Variants in SPTLC3 observed in about 807,000 individuals in gnomAD.
SPTLC3 encodes serine palmitoyltransferase long chain base subunit 3.
Under a neutral mutation model 59.3 loss-of-function variants are expected in SPTLC3, and 36 were observed. That is an observed-to-expected ratio of 0.61 (90% CI 0.47 to 0.80). The LOEUF (loss-of-function observed/expected upper bound fraction) is 0.80. Ranked by LOEUF, SPTLC3 falls within the 30% of genes least tolerant of loss-of-function variation. The pLI is 0.00. For synonymous variants in SPTLC3, 257 were observed against 240.8 expected, an observed-to-expected ratio of 1.07 and a Z score of -0.62; for missense variants, 625 against 685.1, an observed-to-expected ratio of 0.91 and a Z score of 0.98.
At chr20:13,050,324 A>G (rs552544404) in intron 2 of SPTLC3, 50 of 152,310 alleles carry the variant, frequency 3.3e-4, no homozygotes, top group Middle Eastern at 3.4e-3. Context: ...GAACTAGTAG[A>G]AGAAAAAAAT....
At chr20:13,099,207 A>G (rs1204736066) in intron 6 of SPTLC3, among the ~76,000 whole-genome samples, 1 of 152,188 alleles carries the variant, frequency 6.6e-6, no homozygotes, top group Non-Finnish European at 1.5e-5. Flanking sequence ...AGGGCAATGC[A>G]ATGTGAGAAA....
At chr20:13,040,590 C>A (rs1600224186) in intron 1 of SPTLC3, among the ~76,000 whole-genome samples, 1 of 152,118 alleles carries the variant, frequency 6.6e-6, no homozygotes, top group Non-Finnish European at 1.5e-5. Context: ...GATCTCCTAA[C>A]CTCGTGATCC....
chr20:13,079,782 G>C (rs937037531), intron 4 of SPTLC3: 5 of 469,750 alleles, frequency 1.1e-5, no homozygotes, highest in African/African-American at 1.0e-4. Context: ...AATGCCCTCT[G>C]TGTGGGAGGG....
chr20:13,111,690 A>T (rs138087808), intron 7 of SPTLC3, among the ~76,000 whole-genome samples: 178 of 152,286 alleles, frequency 1.2e-3, no homozygotes, highest in African/African-American at 4.0e-3. Flanking sequence ...CCTTATCTAA[A>T]CACCTGTCAT....
chr20:13,083,589 A>G (rs183810490), intron 4 of SPTLC3, among the ~76,000 whole-genome samples: 2 of 152,324 alleles, frequency 1.3e-5, no homozygotes, highest in Admixed American at 6.5e-5. Flanking sequence ...GCCAAAGTCC[A>G]GAAAGTCTCA....
At chr20:13,149,292 G>A (rs1445899225) in intron 9 of SPTLC3, among the ~76,000 whole-genome samples, 1 of 152,230 alleles carries the variant, frequency 6.6e-6, no homozygotes, top group Non-Finnish European at 1.5e-5. Flanking sequence ...AATCTCCAAA[G>A]CTTCCCTTTG....
intron 1 of SPTLC3, among the ~76,000 whole-genome samples, chr20:13,014,677 G>A (rs1985430015): frequency 6.6e-6 from 1 of 152,048 alleles, no homozygotes; most frequent in Non-Finnish European, 1.5e-5. Flanking sequence ...GGCACAGAAG[G>A]GAAGGAAGCC....
chr20:13,046,144 C>T (rs1165855921), intron 1 of SPTLC3, among the ~76,000 whole-genome samples: 3 of 152,228 alleles, frequency 2.0e-5, no homozygotes, highest in Non-Finnish European at 2.9e-5. Flanking sequence ...TCTGTGGTAC[C>T]GGAAAAAGCA....
At position 13,064,683 on chromosome 20, in the gene SPTLC3, T is replaced by C. The variant is rs1433529902; in HGVS notation, c.304-7573T>C. 2.0e-5 allele frequency among the ~76,000 whole-genome samples: 3 copies of C among 152,212 alleles called. No individual in the cohort carries two copies. In the East Asian group the frequency reaches 5.8e-4, roughly 29 times the overall value. On this transcript the variant is annotated intron_variant, in intron 2 of 11. Coordinates refer to ENST00000399002, the MANE Select transcript of SPTLC3 (RefSeq NM_018327.4). ...GTAACTCTACAAGTTTTTAGATAAT[T>C]CTTTAAGATTTTCTTTCTGTGTATA... is the stretch of plus-strand genomic sequence containing the variant.
At chr20:13,113,167 A>C (rs992598957) in intron 7 of SPTLC3, among the ~76,000 whole-genome samples, 13 of 152,186 alleles carry the variant, frequency 8.5e-5, no homozygotes, top group African/African-American at 3.1e-4. Flanking sequence ...TGGGAGACAG[A>C]GAGAGACTCT....
At chr20:13,071,278 T>C (rs1392806764) in intron 2 of SPTLC3, among the ~76,000 whole-genome samples, 1 of 152,244 alleles carries the variant, frequency 6.6e-6, no homozygotes, top group Non-Finnish European at 1.5e-5. Context: ...TACAGCATTC[T>C]GGTTTTAGTA....
At position 13,110,349 on chromosome 20, in the gene SPTLC3, A is replaced by G; in HGVS notation, c.932+132A>G. The stretch of plus-strand genomic sequence containing the variant: ...GTTATATGACACAGGGACCTGAGAC[A>G]GAGCCACCAATGGGAGCTGTCAGAC... On this transcript the variant is annotated intron_variant, in intron 7 of 11. Transcript: ENST00000399002. The G allele has an allele frequency of 8.6e-6, 6 of 695,332 alleles. No individual in the cohort carries two copies. The South Asian group carries it at 1.2e-4, about 14-fold the overall frequency. The allele number at this position is 695,332 out of a possible 1,614,324, so 43.1% of individuals were successfully genotyped here. A position where few individuals can be genotyped will look rare whatever the true frequency, so the allele number is the denominator to read the frequency against.
At chr20:13,014,750 G>C (rs180802625) in intron 1 of SPTLC3, among the ~76,000 whole-genome samples, 1 of 151,334 alleles carries the variant, frequency 6.6e-6, no homozygotes, top group Admixed American at 6.6e-5. Context: ...GGGGACATCT[G>C]GGAGATGGCG....
chr20:13,092,869 T>C (rs995302002), intron 5 of SPTLC3, among the ~76,000 whole-genome samples: 1 of 152,130 alleles, frequency 6.6e-6, no homozygotes, highest in Non-Finnish European at 1.5e-5. Context: ...AATGTTTAGT[T>C]TAAAAAGAAG....
At chr20:13,090,896 A>C (rs1332584958) in intron 4 of SPTLC3, among the ~76,000 whole-genome samples, 187 bp from the exon 5 acceptor site, 1 of 151,944 alleles carries the variant, frequency 6.6e-6, no homozygotes, top group Non-Finnish European at 1.5e-5. Flanking sequence ...AATACCCCAC[A>C]TTGTATTTTT....
chr20:13,161,357 A>G (rs2038893007), intron 11 of SPTLC3, among the ~76,000 whole-genome samples: 2 of 152,166 alleles, frequency 1.3e-5, no homozygotes, highest in Non-Finnish European at 2.9e-5. Flanking sequence ...TATAGAAGAA[A>G]AATAAGGTTC....
chr20:13,130,107 C>G (rs939680957), intron 9 of SPTLC3, among the ~76,000 whole-genome samples: 1 of 152,286 alleles, frequency 6.6e-6, no homozygotes, highest in African/African-American at 2.4e-5. Flanking sequence ...TTCTGCCTGA[C>G]ACATCTTTTG....
Position 13,052,797 on chromosome 20 carries a change from A to C in SPTLC3, c.303+3667A>C, listed in dbSNP as rs563315031. Among the ~76,000 whole-genome samples the C allele has an allele frequency of 1.7e-4, 26 of 152,248 alleles. 1 individual carries two copies. The South Asian group carries it at 5.2e-3, about 30-fold the overall frequency. On this transcript the variant is annotated intron_variant, in intron 2 of 11. Coordinates refer to ENST00000399002, the MANE Select transcript of SPTLC3 (RefSeq NM_018327.4). ...TGGGGAAGTTCAAATTAGGTGGAGTACACCACAGCTCCTCAAAGCCGCTGT... is the reference window on the plus strand; with the variant it reads ...TGGGGAAGTTCAAATTAGGTGGAGTCCACCACAGCTCCTCAAAGCCGCTGT...
chr20:13,072,328 T>C lies in SPTLC3; in HGVS notation c.376T>C (p.Trp126Arg). 4 of 1,613,920 alleles carry C rather than the reference T, an allele frequency of 2.5e-6. No homozygotes were observed. Among genetic ancestry groups the C allele is most frequent in the African/African-American group, 2.7e-5 (2 of 75,034 alleles). The change falls in exon 3 of 12, where the codon TGG (tryptophan) becomes CGG (arginine). Residue 126 changes from tryptophan to arginine, a missense_variant. Physicochemically the swap from Trp to Arg is moderately radical, Grantham distance 101. Transcript: ENST00000399002. The part of the protein sequence containing the change: ...RNLYMRIRDN[W>R]NRPICSAPGP... ...CCTTTACATGCGAATCAGAGACAAC[T>C]GGAACCGGCCCATCTGCAGTGCCCC...
Sources: allele counts gnomAD v4.1 joint callset (sites outside exome capture counted in the v4.1 genomes callset), GRCh38; gene constraint gnomAD v4.1.1; transcripts MANE v1.5; gene names NCBI Gene and HGNC (gene_info 2026-07-23, HGNC 2026-07-21).